RALGAPA1: variants seen among roughly 807,000 people sequenced by gnomAD.
RALGAPA1 encodes the protein Ral GTPase activating protein catalytic subunit alpha 1.
In RALGAPA1, 52 loss-of-function variants were observed where a neutral mutation model predicts 269.6. That is an observed-to-expected ratio of 0.19 (90% CI 0.15 to 0.24). RALGAPA1 has a LOEUF of 0.24. Ranked by LOEUF, RALGAPA1 falls within the 10% of genes least tolerant of loss-of-function variation. The pLI is 1.00. For missense variants in RALGAPA1, 1,917 were observed against 3,013.9 expected, an observed-to-expected ratio of 0.64 and a Z score of 8.52; for synonymous variants, 817 against 1,008.3, an observed-to-expected ratio of 0.81 and a Z score of 3.60.
chr14:35,776,010 A>G (rs189514630), intron 1 of RALGAPA1, among the ~76,000 whole-genome samples: 29 of 152,312 alleles, frequency 1.9e-4, no homozygotes, highest in Non-Finnish European at 5.9e-5. Flanking sequence ...CCAAAAAAAG[A>G]AGTTAAGTTC....
At chr14:35,621,616 T>G (rs941419640) in intron 35 of RALGAPA1, among the ~76,000 whole-genome samples, 1 of 152,100 alleles carries the variant, frequency 6.6e-6, no homozygotes, top group Non-Finnish European at 1.5e-5. Flanking sequence ...TCTACCCTTC[T>G]GACAAAGGGC....
chr14:35,797,844 A>C (rs2076690624), intron 1 of RALGAPA1, among the ~76,000 whole-genome samples: 1 of 105,776 alleles, frequency 9.5e-6, no homozygotes. Flanking sequence ...ATTACATCTC[A>C]AAAAAAAAAA....
At chr14:35,800,658 C>G (rs772838078) in intron 1 of RALGAPA1, among the ~76,000 whole-genome samples, 6 of 152,158 alleles carry the variant, frequency 3.9e-5, no homozygotes, top group Admixed American at 2.0e-4. Flanking sequence ...CACAGCTTCC[C>G]TTTATGAAAC....
At chr14:35,753,592 A>G (rs1026794068) in intron 7 of RALGAPA1, among the ~76,000 whole-genome samples, 1 of 152,226 alleles carries the variant, frequency 6.6e-6, no homozygotes, top group East Asian at 1.9e-4. Flanking sequence ...GTCAATAAAG[A>G]CTACATATTG....
At chr14:35,680,892 G>GT (rs1241984337) in intron 21 of RALGAPA1, among the ~76,000 whole-genome samples, 1 of 152,138 alleles carries the variant, frequency 6.6e-6, no homozygotes, top group African/African-American at 2.4e-5. Flanking sequence ...GGGATTACAG[G>GT]TGTGAGCCAC....
In RALGAPA1 at chr14:35,780,679, T is replaced by C. The variant is rs998673404; in HGVS notation, c.107-4934A>G. Among the ~76,000 whole-genome samples, 72 of 152,204 alleles carry C rather than the reference T, an allele frequency of 4.7e-4. 1 individual carries two copies. The highest frequency in any genetic ancestry group is 6.8e-3 in the Middle Eastern group (2 of 294). ...TCTTTGAGATGAATGTAAATGAAAA[T>C]ACAACATACCAAAACTTATGGCATC... On this transcript the variant is annotated intron_variant, in intron 1 of 41. Coordinates refer to ENST00000680220, the MANE Select transcript of RALGAPA1 (RefSeq NM_001346249.2).
At chr14:35,541,598 G>A in intron 41 of RALGAPA1, 1 of 378,162 alleles carries the variant, frequency 2.6e-6, no homozygotes. Context: ...AAATTTATGG[G>A]AGAATATGAA....
chr14:35,664,903 A>G, intron 26 of RALGAPA1, 136 bp from the exon 27 acceptor site: 1 of 702,368 alleles, frequency 1.4e-6, no homozygotes, highest in African/African-American at 1.8e-5. Context: ...GGGAAAACAC[A>G]AAAAGATTTA....
chr14:35,700,941 T>C (rs2067293005), intron 16 of RALGAPA1, among the ~76,000 whole-genome samples: 1 of 152,196 alleles, frequency 6.6e-6, no homozygotes, highest in South Asian at 2.1e-4. Flanking sequence ...AATTTTTACA[T>C]AGAAACAGAA....
chr14:35,551,165 G>T lies in RALGAPA1; in HGVS notation c.7497-1931C>A, dbSNP rs1419228958. On this transcript the variant is annotated intron_variant, in intron 39 of 41. Coordinates refer to ENST00000680220, the MANE Select transcript of RALGAPA1 (RefSeq NM_001346249.2). ...ACTAATTTTCTATTTGGCTGAAAAG[G>T]GAAAAATGGGGTTATTGCTTCTCCC... Among the ~76,000 whole-genome samples, 6 of 152,200 alleles carry T rather than the reference G, an allele frequency of 3.9e-5. No homozygotes were observed. In the East Asian group the frequency reaches 5.8e-4, roughly 15 times the overall value.
intron 33 of RALGAPA1, among the ~76,000 whole-genome samples, chr14:35,630,966 C>A (rs2061324781): frequency 6.6e-6 from 1 of 152,056 alleles, no homozygotes; most frequent in Non-Finnish European, 1.5e-5. Flanking sequence ...ACCAGCCATT[C>A]AATACTAGAT....
chr14:35,702,080 C>G (rs2067400960), intron 16 of RALGAPA1, among the ~76,000 whole-genome samples: 2 of 152,144 alleles, frequency 1.3e-5, no homozygotes, highest in Admixed American at 1.3e-4. Flanking sequence ...TTTAGGTCAG[C>G]CTCCTCAACT....
At chr14:35,616,293 A>C (rs912606894) in intron 35 of RALGAPA1, among the ~76,000 whole-genome samples, 7 of 152,206 alleles carry the variant, frequency 4.6e-5, no homozygotes, top group African/African-American at 1.7e-4. Flanking sequence ...TATGAAGGTA[A>C]GAAACAGAAA....
intron 1 of RALGAPA1, among the ~76,000 whole-genome samples, chr14:35,789,607 T>C (rs566280377): frequency 1.3e-5 from 2 of 151,696 alleles, no homozygotes; most frequent in Admixed American, 6.6e-5. Flanking sequence ...AAAAATCAAA[T>C]GCCTGAAGAT....
intron 16 of RALGAPA1, among the ~76,000 whole-genome samples, chr14:35,715,014 TTTTC>T (rs1228862322): frequency 6.6e-6 from 1 of 152,218 alleles, no homozygotes; most frequent in Non-Finnish European, 1.5e-5. Context: ...CTTTATGCTC[TTTTC>T]TTTGTCTTTC....
Position 35,674,810 on chromosome 14 carries a change from A to T in RALGAPA1, c.4625-101T>A, listed in dbSNP as rs919737655. 18 of 584,284 alleles carry T rather than the reference A, an allele frequency of 3.1e-5. No individual in the cohort carries two copies. In the African/African-American group the frequency reaches 3.4e-4, roughly 11 times the overall value. The allele number at this position is 584,284 out of a possible 1,614,324, so 36.2% of individuals were successfully genotyped here. A position where few individuals can be genotyped will look rare whatever the true frequency, so the allele number is the denominator to read the frequency against. On this transcript the variant is annotated intron_variant, in intron 22 of 41. Transcript: ENST00000680220. ...TTAACAATCTTAAATATCTACAGAA[A>T]TGAATAAAAGAAATGTCAACATACA...
intron 31 of RALGAPA1, among the ~76,000 whole-genome samples, chr14:35,647,582 T>C (rs1477638192): frequency 2.6e-5 from 4 of 152,198 alleles, no homozygotes; most frequent in Non-Finnish European, 5.9e-5. Context: ...GATACTGGAA[T>C]GCAACATAGT....
chr14:35,626,620 T>A (rs1347916398), intron 34 of RALGAPA1, among the ~76,000 whole-genome samples: 1 of 152,176 alleles, frequency 6.6e-6, no homozygotes, highest in Non-Finnish European at 1.5e-5. Context: ...TCTTTTCATT[T>A]AGCTCCTACC....
intron 4 of RALGAPA1, among the ~76,000 whole-genome samples, chr14:35,765,038 T>G (rs1433828277): frequency 6.6e-6 from 1 of 152,192 alleles, no homozygotes; most frequent in African/African-American, 2.4e-5. Context: ...GGAACAGAAT[T>G]TGTTTTTTCA....
Sources: allele counts gnomAD v4.1 joint callset (sites outside exome capture counted in the v4.1 genomes callset), GRCh38; gene constraint gnomAD v4.1.1; transcripts MANE v1.5; gene names NCBI Gene and HGNC (gene_info 2026-07-23, HGNC 2026-07-21).